SNAP25: variants seen among roughly 807,000 people sequenced by gnomAD.
SNAP25 encodes synaptosome associated protein 25.
In SNAP25, 3 loss-of-function variants were observed where a neutral mutation model predicts 28.7. The ratio of observed to expected loss-of-function variants is 0.10; its 90% CI spans 0.05 to 0.27. The LOEUF is 0.27. SNAP25 is among the 10% of genes least tolerant of loss of function. The pLI is 1.00. For synonymous variants in SNAP25, 61 were observed against 88.1 expected, an observed-to-expected ratio of 0.69 and a Z score of 1.72; for missense variants, 117 against 278.7, an observed-to-expected ratio of 0.42 and a Z score of 4.13.
At chr20:10,231,799 AT>A (rs1345925524) in intron 1 of SNAP25, among the ~76,000 whole-genome samples, 1 of 152,182 alleles carries the variant, frequency 6.6e-6, no homozygotes, top group Non-Finnish European at 1.5e-5. Flanking sequence ...AGATTTTCAG[AT>A]TTGGGATGCT....
rs2064044671 is a variant in SNAP25 at position 10,293,611 on chromosome 20, T to A, written c.281+333T>A. Among the ~76,000 whole-genome samples, 1 of 151,822 alleles carries A rather than the reference T, an allele frequency of 6.6e-6. No individual in the cohort carries two copies. Among genetic ancestry groups the A allele is most frequent in the African/African-American group, 2.4e-5 (1 of 41,308 alleles). ...ACTTCCTTTTCCCCAACCCCAAGAG[T>A]CAAAATTACAGATTTAGAAAAGGCT... On this transcript the variant is annotated intron_variant, in intron 5 of 7. Transcript: ENST00000254976. The surrounding 1 kb of genome is among the most constrained non-coding windows in gnomAD (Gnocchi z 5.6).
chr20:10,251,579 A>G (rs773986361), intron 1 of SNAP25, among the ~76,000 whole-genome samples: 7 of 152,230 alleles, frequency 4.6e-5, no homozygotes, highest in Non-Finnish European at 1.0e-4. Flanking sequence ...TAAGCATGAG[A>G]TCTGATCCCT....
chr20:10,290,497 G>T (rs1474420413), intron 4 of SNAP25, among the ~76,000 whole-genome samples: 1 of 152,040 alleles, frequency 6.6e-6, no homozygotes, highest in Non-Finnish European at 1.5e-5. Flanking sequence ...GGATTTAGAC[G>T]TGCCTGTTTG....
chr20:10,253,926 T>C (rs938892618), intron 1 of SNAP25, among the ~76,000 whole-genome samples: 2 of 152,198 alleles, frequency 1.3e-5, no homozygotes, highest in Non-Finnish European at 2.9e-5. Flanking sequence ...CCCTGCTGAC[T>C]GGCAGGGTTC....
At chr20:10,284,997 T>G (rs1332296562) in intron 4 of SNAP25, among the ~76,000 whole-genome samples, 1 of 152,220 alleles carries the variant, frequency 6.6e-6, no homozygotes, top group African/African-American at 2.4e-5. Context: ...GATACCACTA[T>G]CTCTGTTATA....
intron 1 of SNAP25, among the ~76,000 whole-genome samples, chr20:10,268,758 G>A (rs556856134): frequency 1.1e-4 from 16 of 152,320 alleles, no homozygotes; most frequent in African/African-American, 3.6e-4. Context: ...AGACTTAAGT[G>A]TAGCATTAAA....
intron 1 of SNAP25, among the ~76,000 whole-genome samples, chr20:10,253,555 G>A (rs2063267230): frequency 6.6e-6 from 1 of 152,148 alleles, no homozygotes; most frequent in African/African-American, 2.4e-5. Context: ...GTGCTGGGAG[G>A]ACTCTACATG....
chr20:10,292,695 C>T (rs1436666649), intron 4 of SNAP25, among the ~76,000 whole-genome samples: 1 of 152,172 alleles, frequency 6.6e-6, no homozygotes, highest in Non-Finnish European at 1.5e-5. Flanking sequence ...TTTTGAGCAT[C>T]GTTTGGTTTG....
chr20:10,289,681 A>G (rs2063957719), intron 4 of SNAP25, among the ~76,000 whole-genome samples: 3 of 148,816 alleles, frequency 2.0e-5, no homozygotes, highest in Admixed American at 1.4e-4. Context: ...TAGAGGCAGC[A>G]TCTTGTAACT....
At chr20:10,253,261 G>A (rs1030385784) in intron 1 of SNAP25, among the ~76,000 whole-genome samples, 1 of 152,164 alleles carries the variant, frequency 6.6e-6, no homozygotes, top group African/African-American at 2.4e-5. Flanking sequence ...TTTAGACTAG[G>A]ATTCACCAGG....
rs936348417 is a variant in SNAP25, at chr20:10,293,602, C to A, written c.281+324C>A. Among the ~76,000 whole-genome samples, 8 of 152,208 alleles carry A rather than the reference C, an allele frequency of 5.3e-5. No homozygotes were observed. The highest frequency in any genetic ancestry group is 1.9e-4 in the African/African-American group (8 of 41,428). On this transcript the variant is annotated intron_variant, in intron 5 of 7. Coordinates refer to ENST00000254976, the MANE Select transcript of SNAP25 (RefSeq NM_130811.4). The surrounding 1 kb of genome is among the most constrained non-coding windows in gnomAD (Gnocchi z 5.6). Reference sequence around the variant, plus strand: ...ACCCAGGGAACTTCCTTTTCCCCAACCCCAAGAGTCAAAATTACAGATTTA... The same window carrying A: ...ACCCAGGGAACTTCCTTTTCCCCAAACCCAAGAGTCAAAATTACAGATTTA...
intron 1 of SNAP25, among the ~76,000 whole-genome samples, chr20:10,259,236 A>G (rs2063370281): frequency 6.6e-6 from 1 of 152,346 alleles, no homozygotes; most frequent in Admixed American, 6.5e-5. Context: ...GATTAATCTG[A>G]GGAATAACAA....
At chr20:10,305,371 A>T (rs59831393) in intron 7 of SNAP25, among the ~76,000 whole-genome samples, 4,692 of 152,176 alleles carry the variant, frequency 0.031, 254 homozygotes, top group African/African-American at 0.11. Flanking sequence ...GTGAGATCTC[A>T]TCTATACAAA....
chr20:10,270,822 G>A (rs1381406843), intron 1 of SNAP25, among the ~76,000 whole-genome samples: 1 of 152,172 alleles, frequency 6.6e-6, no homozygotes, highest in Non-Finnish European at 1.5e-5. Context: ...TTCTGACTCT[G>A]GGGGAAGTTT....
At chr20:10,262,653 G>C (rs1259599093) in intron 1 of SNAP25, among the ~76,000 whole-genome samples, 4 of 152,158 alleles carry the variant, frequency 2.6e-5, no homozygotes, top group African/African-American at 9.7e-5. Context: ...CAGACCCTTA[G>C]ACAGGGATTT....
At chr20:10,279,064 C>T (rs974177377) in intron 3 of SNAP25, among the ~76,000 whole-genome samples, 1 of 152,300 alleles carries the variant, frequency 6.6e-6, no homozygotes, top group Middle Eastern at 3.4e-3. Flanking sequence ...AGGGAAGCAG[C>T]GTTCTGTCTA....
intron 5 of SNAP25, among the ~76,000 whole-genome samples, chr20:10,294,110 G>A (rs2064054738): frequency 6.6e-6 from 1 of 152,160 alleles, no homozygotes; most frequent in South Asian, 2.1e-4. Context: ...AAAAAGAAAT[G>A]CATGAGTGGA....
intron 1 of SNAP25, among the ~76,000 whole-genome samples, chr20:10,263,053 C>G (rs1401328627): frequency 8.7e-6 from 1 of 115,452 alleles, no homozygotes; most frequent in African/African-American, 3.3e-5. Context: ...GAGTCTCGCT[C>G]TGTCGCCCAG....
intron 1 of SNAP25, among the ~76,000 whole-genome samples, chr20:10,252,134 G>A (rs76547470): frequency 0.035 from 5,283 of 152,270 alleles, 105 homozygotes; most frequent in Middle Eastern, 0.058. Flanking sequence ...AGACACCCAC[G>A]TGCAAACTCA....
Sources: gnomAD v4.1 joint callset for allele counts (sites outside exome capture counted in the v4.1 genomes callset) on GRCh38, gnomAD v4.1.1 for gene constraint, Gnocchi (gnomAD v3.1) non-coding constraint, MANE v1.5 for transcripts, NCBI Gene and HGNC (gene_info 2026-07-23, HGNC 2026-07-21) for gene names.